ENTREP1: variants seen among roughly 807,000 people sequenced by gnomAD.
ENTREP1 encodes Friedreich ataxia region gene X123.
the ENTREP1 span, among the ~76,000 whole-genome samples, chr9:69,365,803 T>C: frequency 6.6e-6 from 1 of 152,296 alleles, no homozygotes; most frequent in African/African-American, 2.4e-5. Flanking sequence ...CTGGCTTATT[T>C]CCCTTAACAT....
At chr9:69,362,462 T>C in the ENTREP1 span, among the ~76,000 whole-genome samples, 1 of 152,210 alleles carries the variant, frequency 6.6e-6, no homozygotes, top group Non-Finnish European at 1.5e-5. Flanking sequence ...TTCAAAATAC[T>C]GAATTGAAAA....
the ENTREP1 span, chr9:69,324,940 C>G: frequency 3.0e-6 from 3 of 985,120 alleles, no homozygotes; most frequent in South Asian, 1.4e-4. Context: ...GAGGGACTTA[C>G]TTAAATATTT....
At chr9:69,340,599 ATG>A in the ENTREP1 span, among the ~76,000 whole-genome samples, 296 of 89,028 alleles carry the variant, frequency 3.3e-3, 3 homozygotes, top group African/African-American at 8.6e-3. Context: ...GTGTGCATGC[ATG>A]TGTGTGTGTG....
the ENTREP1 span, among the ~76,000 whole-genome samples, chr9:69,327,619 C>CAAAAG: frequency 0.37 from 25,097 of 67,134 alleles, 3,269 homozygotes; most frequent in African/African-American, 0.56. Flanking sequence ...GATGAAGTAC[C>CAAAAG]AAAAGAAAAG....
chr9:69,340,641 ATGTG>A, the ENTREP1 span, among the ~76,000 whole-genome samples: 3 of 44,306 alleles, frequency 6.8e-5, no homozygotes, highest in African/African-American at 2.7e-4. Flanking sequence ...GTGTGCGTGC[ATGTG>A]TGTGTGCATG....
the ENTREP1 span, among the ~76,000 whole-genome samples, chr9:69,384,501 G>GA: frequency 6.6e-6 from 1 of 152,060 alleles, no homozygotes; most frequent in Non-Finnish European, 1.5e-5. Context: ...TTTGTCAGGG[G>GA]AAAAAAAGTT....
At chr9:69,331,133 A>G in the ENTREP1 span, among the ~76,000 whole-genome samples, 2 of 152,206 alleles carry the variant, frequency 1.3e-5, no homozygotes, top group African/African-American at 4.8e-5. Flanking sequence ...TGTAAGAGCT[A>G]TAGGGCAGGG....
chr9:69,340,812 T>TGC, the ENTREP1 span, among the ~76,000 whole-genome samples: 13,113 of 69,750 alleles, frequency 0.19, 797 homozygotes, highest in South Asian at 0.31. Context: ...TGTGTGTGTG[T>TGC]ATGTGTGTGT....
the ENTREP1 span, chr9:69,392,074 G>A: frequency 7.9e-6 from 4 of 503,854 alleles, no homozygotes; most frequent in Admixed American, 1.0e-4. Context: ...CATTCCCAAG[G>A]GTCACATGCC....
chr9:69,334,656 G>A, the ENTREP1 span, among the ~76,000 whole-genome samples: 1 of 152,128 alleles, frequency 6.6e-6, no homozygotes, highest in Admixed American at 6.6e-5. Flanking sequence ...GCACATCCCA[G>A]GCTGAAAAAT....
At chr9:69,329,221 G>T in the ENTREP1 span, 2 of 254,328 alleles carry the variant, frequency 7.9e-6, no homozygotes, top group African/African-American at 2.3e-5. Flanking sequence ...TGACCATTAG[G>T]ATCTTTAGCC....
the ENTREP1 span, among the ~76,000 whole-genome samples, chr9:69,369,496 T>A: frequency 2.0e-5 from 3 of 152,210 alleles, no homozygotes; most frequent in Non-Finnish European, 4.4e-5. Flanking sequence ...CAGCATTTGT[T>A]GTTTCCTGAC....
chr9:69,349,214 GA>G, the ENTREP1 span, among the ~76,000 whole-genome samples: 872 of 137,842 alleles, frequency 6.3e-3, 13 homozygotes, highest in African/African-American at 0.022. Context: ...AAAAAAAAGA[GA>G]AAAAAAGGAA....
the ENTREP1 span, among the ~76,000 whole-genome samples, chr9:69,365,246 C>G: frequency 6.6e-6 from 1 of 152,152 alleles, no homozygotes; most frequent in Non-Finnish European, 1.5e-5. Context: ...CAATCTCCTC[C>G]TTCCCTGCCC....
the ENTREP1 span, among the ~76,000 whole-genome samples, chr9:69,356,099 G>A: frequency 0.035 from 5,271 of 152,248 alleles, 283 homozygotes; most frequent in African/African-American, 0.12. Context: ...ATCATCCCAA[G>A]TAGAAACTAT....
the ENTREP1 span, among the ~76,000 whole-genome samples, chr9:69,348,748 T>C: frequency 8.5e-5 from 13 of 152,230 alleles, no homozygotes; most frequent in Non-Finnish European, 5.9e-5. Context: ...TTTTTTAGCT[T>C]AATATTTTTA....
At chr9:69,387,996 G>C in the ENTREP1 span, 2 of 1,447,886 alleles carry the variant, frequency 1.4e-6, no homozygotes, top group Non-Finnish European at 1.8e-6. Flanking sequence ...ATAACCTTGT[G>C]TTGTTTTCCC....
chr9:69,330,959 A>G, the ENTREP1 span, among the ~76,000 whole-genome samples: 1 of 152,176 alleles, frequency 6.6e-6, no homozygotes, highest in Non-Finnish European at 1.5e-5. Flanking sequence ...ATCAAAGTAA[A>G]ATGAACAGGC....
At chr9:69,371,342 A>G in the ENTREP1 span, 1 of 726,294 alleles carries the variant, frequency 1.4e-6, no homozygotes, top group South Asian at 1.5e-5. Flanking sequence ...AAGAAGTCTA[A>G]AATGTGAAAA....
Sources: allele counts gnomAD v4.1 joint callset (sites outside exome capture counted in the v4.1 genomes callset), GRCh38; gene constraint gnomAD v4.1.1; transcripts MANE v1.5; gene names NCBI Gene and HGNC (gene_info 2026-07-23, HGNC 2026-07-21).